Variants in STK32B observed in about 807,000 individuals in gnomAD.
STK32B encodes the protein serine/threonine kinase 32B, also known as serine/threonine-protein kinase 32B.
In STK32B, 43 loss-of-function variants were observed where a neutral mutation model predicts 52.6. The observed-to-expected ratio is 0.82, with a 90% CI of 0.64 to 1.05. The LOEUF is 1.05. STK32B is among the 50% of genes least tolerant of loss of function. The pLI, the probability that STK32B is intolerant of heterozygous loss-of-function variation, is 0.00. For missense variants in STK32B, 621 were observed against 534.6 expected (o/e 1.16, Z -1.59); for synonymous variants, 238 against 204.3 (o/e 1.17, Z -1.41).
intron 3 of STK32B, among the ~76,000 whole-genome samples, chr4:5,268,548 T>G (rs896430375): frequency 8.7e-6 from 1 of 114,750 alleles, no homozygotes; most frequent in African/African-American, 6.8e-5. Context: ...GGTGTGTGTG[T>G]GTGTGTGTGT....
At chr4:5,195,669 C>T (rs966791946) in intron 3 of STK32B, among the ~76,000 whole-genome samples, 7 of 152,116 alleles carry the variant, frequency 4.6e-5, no homozygotes, top group Admixed American at 1.3e-4. Context: ...TCCAGCCTGG[C>T]GACAGAGTGA....
At chr4:5,197,439 C>G (rs969573930) in intron 3 of STK32B, among the ~76,000 whole-genome samples, 18 of 152,202 alleles carry the variant, frequency 1.2e-4, no homozygotes, top group African/African-American at 3.4e-4. Context: ...GCACCTCTTA[C>G]GACCACCCAG....
intron 3 of STK32B, among the ~76,000 whole-genome samples, chr4:5,318,163 A>G (rs528296188): frequency 6.6e-6 from 1 of 152,184 alleles, no homozygotes; most frequent in African/African-American, 2.4e-5. Context: ...GATTGGGGGA[A>G]AGGGCAGACA....
At chr4:5,122,560 CTCACTCACTTGCTCAT>C (rs1226993388) in intron 1 of STK32B, among the ~76,000 whole-genome samples, 1 of 152,004 alleles carries the variant, frequency 6.6e-6, no homozygotes, top group Admixed American at 6.5e-5. Flanking sequence ...CACTCATTCA[CTCACTCACTTGCTCAT>C]TCACTCACTC....
In STK32B at chr4:5,310,094, A is replaced by G. The variant is rs961325249; in HGVS notation, c.261-21126A>G. ...GGCAGGAGAATCGCTTGAACCCAGGAGGCGGAGACTGCAGTGAGCCCAGAT... is the reference window on the plus strand; with the variant it reads ...GGCAGGAGAATCGCTTGAACCCAGGGGGCGGAGACTGCAGTGAGCCCAGAT... On this transcript the variant is annotated intron_variant, in intron 3 of 11. Coordinates refer to ENST00000282908, the MANE Select transcript of STK32B (RefSeq NM_018401.3). Among the ~76,000 whole-genome samples the G allele has an allele frequency of 9.2e-5, 14 of 152,150 alleles. 1 individual carries two copies. Among genetic ancestry groups the G allele is most frequent in the Non-Finnish European group, 8.8e-5 (6 of 68,032 alleles).
chr4:5,295,097 A>T (rs1560293017), intron 3 of STK32B, among the ~76,000 whole-genome samples: 1 of 152,128 alleles, frequency 6.6e-6, no homozygotes. Flanking sequence ...CATATGTTGA[A>T]CCAGCCTTGC....
intron 3 of STK32B, among the ~76,000 whole-genome samples, chr4:5,213,257 C>T (rs1723007810): frequency 6.6e-6 from 1 of 152,282 alleles, no homozygotes; most frequent in Admixed American, 6.5e-5. Context: ...CACCAAGCTG[C>T]CATCAATCCT....
intron 3 of STK32B, among the ~76,000 whole-genome samples, chr4:5,325,338 T>C (rs962133929): frequency 1.3e-5 from 2 of 152,160 alleles, no homozygotes; most frequent in African/African-American, 4.8e-5. Context: ...TGTTTTTTTT[T>C]TCCACATCAG....
chr4:5,078,242 A>G (rs749340341), intron 1 of STK32B, among the ~76,000 whole-genome samples: 6 of 152,164 alleles, frequency 3.9e-5, no homozygotes, highest in South Asian at 2.1e-4. Context: ...CCCTGGACCA[A>G]TCACTGGCCA....
At chr4:5,280,369 C>A (rs1313393394) in intron 3 of STK32B, among the ~76,000 whole-genome samples, 2 of 152,156 alleles carry the variant, frequency 1.3e-5, no homozygotes, top group African/African-American at 4.8e-5. Flanking sequence ...GTCCATGTCA[C>A]TATCAGCATC....
At chr4:5,383,596 A>G (rs1736064297) in intron 4 of STK32B, among the ~76,000 whole-genome samples, 1 of 152,166 alleles carries the variant, frequency 6.6e-6, no homozygotes, top group Non-Finnish European at 1.5e-5. Context: ...CTTATGGGAA[A>G]TGGAGGTACC....
chr4:5,319,082 G>A (rs575832995), intron 3 of STK32B, among the ~76,000 whole-genome samples: 3 of 152,274 alleles, frequency 2.0e-5, no homozygotes, highest in South Asian at 4.1e-4. Flanking sequence ...GGGATTACAG[G>A]CGTGAGCCAC....
intron 1 of STK32B, among the ~76,000 whole-genome samples, chr4:5,073,135 T>A (rs1711877700): frequency 6.6e-6 from 1 of 152,046 alleles, no homozygotes; most frequent in South Asian, 2.1e-4. Context: ...ATTAGAGTAT[T>A]TGGTATATTT....
chr4:5,220,185 G>T (rs1391915669), intron 3 of STK32B, among the ~76,000 whole-genome samples: 4 of 152,200 alleles, frequency 2.6e-5, no homozygotes, highest in African/African-American at 7.2e-5. Flanking sequence ...TAGAGCCATA[G>T]CATGTTCGAG....
At chr4:5,434,427 CATGT>C (rs916195673) in intron 6 of STK32B, among the ~76,000 whole-genome samples, 11 of 131,946 alleles carry the variant, frequency 8.3e-5, no homozygotes, top group African/African-American at 2.4e-4. Context: ...TATATGTGTG[CATGT>C]ATGTGTGTGT....
chr4:5,262,208 T>C (rs1726755718), intron 3 of STK32B, among the ~76,000 whole-genome samples: 1 of 152,094 alleles, frequency 6.6e-6, no homozygotes, highest in South Asian at 2.1e-4. Flanking sequence ...GAAGAGCAGG[T>C]CCCATTGCCT....
At chr4:5,030,093 T>C in the STK32B span, among the ~76,000 whole-genome samples, 1 of 152,192 alleles carries the variant, frequency 6.6e-6, no homozygotes, top group African/African-American at 2.4e-5. Context: ...TGCTGAACTG[T>C]GAGTCAGTGA....
At chr4:5,352,654 A>G (rs1239233818) in intron 4 of STK32B, among the ~76,000 whole-genome samples, 3 of 151,770 alleles carry the variant, frequency 2.0e-5, no homozygotes, top group East Asian at 3.9e-4. Flanking sequence ...AAAAGAAGTC[A>G]TTTGTCCCTC....
intron 3 of STK32B, among the ~76,000 whole-genome samples, chr4:5,312,399 T>C (rs1730356152): frequency 6.6e-6 from 1 of 151,710 alleles, no homozygotes; most frequent in South Asian, 2.1e-4. Flanking sequence ...AACTCGTCAT[T>C]TAGCATTAGG....
Sources: gnomAD v4.1 joint callset for allele counts (sites outside exome capture counted in the v4.1 genomes callset) on GRCh38, gnomAD v4.1.1 for gene constraint, MANE v1.5 for transcripts, NCBI Gene and HGNC (gene_info 2026-07-23, HGNC 2026-07-21) for gene names.